RNF14: variants seen among roughly 807,000 people sequenced by gnomAD.
RNF14 encodes the protein ring finger protein 14.
A neutral mutation model predicts 52.6 loss-of-function variants in RNF14; 26 were observed. The observed-to-expected ratio is 0.49, with a 90% confidence interval of 0.36 to 0.69. The LOEUF (loss-of-function observed/expected upper bound fraction) is 0.69. Ranked by LOEUF, RNF14 falls within the 30% of genes least tolerant of loss-of-function variation. RNF14 has a pLI of 0.00. For missense variants in RNF14, 404 were observed against 560.4 expected (o/e 0.72, Z 2.82); for synonymous variants, 194 against 202.0 (o/e 0.96, Z 0.34).
chr5:141,976,731 C>T (rs940870762), intron 4 of RNF14, among the ~76,000 whole-genome samples: 1 of 151,202 alleles, frequency 6.6e-6, no homozygotes, highest in Non-Finnish European at 1.5e-5. Context: ...CAGTCTCTTT[C>T]CCGTCCCCCT....
intron 6 of RNF14, among the ~76,000 whole-genome samples, chr5:141,981,342 G>T (rs569585379): frequency 1.7e-4 from 26 of 152,186 alleles, no homozygotes; most frequent in Admixed American, 1.5e-3. Context: ...GCTGACTGTG[G>T]TGGTGCACAC....
Position 141,980,298 on chromosome 5 carries a change from G to GTA in RNF14, c.1011_1012dup (p.Thr338IlefsTer6). The GTA allele has an allele frequency of 6.2e-7, 1 of 1,614,230 alleles. No homozygotes were observed. The highest frequency in any genetic ancestry group is 8.5e-7 in the Non-Finnish European group (1 of 1,180,050). On this transcript the variant is annotated frameshift_variant, in exon 6 of 9. Coordinates refer to ENST00000394520, the MANE Select transcript of RNF14 (RefSeq NM_004290.5). LOFTEE classifies it high-confidence loss of function. ...TGCTCCAGCTGCAATTTTGCCTTCTGTACTTTGTGCAGGTTGACCTACCAT... is the reference window on the plus strand; with the variant it reads ...TGCTCCAGCTGCAATTTTGCCTTCTGTATACTTTGTGCAGGTTGACCTACCAT...
upstream of RNF14, chr5:141,963,040 C>T (rs565032969): frequency 6.6e-6 from 1 of 152,408 alleles, no homozygotes; most frequent in African/African-American, 2.4e-5. Context: ...TCATGGTCCC[C>T]ACCTCTCCCT....
rs143042506 is a variant in RNF14, at chr5:141,987,779, G to C, written c.1414G>C (p.Val472Leu). 260 of 1,613,490 alleles carry C rather than the reference G, an allele frequency of 1.6e-4. No homozygotes were observed. The African/African-American group carries it at 2.9e-3, about 18-fold the overall frequency. Residue 472 changes from valine (V) to leucine (L), a missense_variant, in exon 9 of 9, where the codon GTA becomes CTA. Transcript: ENST00000394520. ...DVDDDIWEDEVED is the reference protein window; with the variant it reads ...DVDDDIWEDELED ...TGACGACGATATTTGGGAAGATGAG[G>C]TAGAAGACTAGTTAACTACTGCTCA...
chr5:141,949,450 G>A, the RNF14 span: 3 of 1,613,764 alleles, frequency 1.9e-6, no homozygotes, highest in African/African-American at 2.7e-5. Context: ...GGGTCCAGCA[G>A]ACTTGACAGC....
At chr5:141,972,008 C>A (rs549935055) in intron 2 of RNF14, among the ~76,000 whole-genome samples, 1 of 152,184 alleles carries the variant, frequency 6.6e-6, no homozygotes, top group East Asian at 1.9e-4. Flanking sequence ...AAATTATTAT[C>A]TTTTAAATAT....
At chr5:141,971,608 T>C (rs868311424) in intron 2 of RNF14, among the ~76,000 whole-genome samples, 3 of 146,622 alleles carry the variant, frequency 2.0e-5, no homozygotes, top group East Asian at 2.0e-4. Flanking sequence ...TCTTTCTTTC[T>C]TTCCTTTCTT....
Position 141,989,283 on chromosome 5 carries a change from G to A in RNF14, c.*1493G>A, listed in dbSNP as rs949419433. On this transcript the variant is annotated 3_prime_UTR_variant, in exon 9 of 9. Transcript: ENST00000394520. ...ATATTCTTAAAGTAAGAAAAAAAAG[G>A]TCACAGAATAGCATCTCTTTTACCT... The A allele has an allele frequency of 6.6e-6, 1 of 152,186 alleles. No individual in the cohort carries two copies. The highest frequency in any genetic ancestry group is 1.5e-5 in the Non-Finnish European group (1 of 68,000). The allele number at this position is 152,186 out of a possible 1,614,324, so 9.4% of individuals were successfully genotyped here.
chr5:141,976,297 C>CCACGCATGTG (rs202044181), intron 4 of RNF14, among the ~76,000 whole-genome samples: 2,681 of 152,268 alleles, frequency 0.018, 39 homozygotes, highest in Non-Finnish European at 0.027. Flanking sequence ...TACTTTACAT[C>CCACGCATGTG]CACGCATGTG....
upstream of RNF14, among the ~76,000 whole-genome samples, chr5:141,963,991 G>C (rs1158619058): frequency 6.6e-6 from 1 of 152,036 alleles, no homozygotes; most frequent in Admixed American, 6.5e-5. Flanking sequence ...GTTACCTTGG[G>C]GTTACAAAAC....
upstream of RNF14, among the ~76,000 whole-genome samples, chr5:141,967,076 A>G (rs115088670): frequency 6.0e-3 from 920 of 152,334 alleles, 7 homozygotes; most frequent in African/African-American, 0.02. Context: ...TGTGACAATC[A>G]AGATTTATAG....
chr5:141,965,921 C>T (rs1231596977), upstream of RNF14, among the ~76,000 whole-genome samples: 3 of 151,362 alleles, frequency 2.0e-5, no homozygotes, highest in Non-Finnish European at 4.4e-5. Context: ...AACAAACCCC[C>T]GTGACACGAG....
At chr5:141,960,266 G>A (rs1413293252) in intron 1 of RNF14, among the ~76,000 whole-genome samples, 1 of 152,210 alleles carries the variant, frequency 6.6e-6, no homozygotes, top group Admixed American at 6.5e-5. Flanking sequence ...GTCGCAGGTG[G>A]GGGCAGGGAA....
rs1216289915 is a variant in RNF14 at position 141,989,079 on chromosome 5, CTG to C, written c.*1291_*1292del. On this transcript the variant is annotated 3_prime_UTR_variant, in exon 9 of 9. Coordinates refer to ENST00000394520, the MANE Select transcript of RNF14 (RefSeq NM_004290.5). ...TTGCAAATTGAGGAATCACTTTTAACTGTTTTAGGTGTGTGTGTCCAGAGTGA... is the reference window on the plus strand; with the variant it reads ...TTGCAAATTGAGGAATCACTTTTAACTTTTAGGTGTGTGTGTCCAGAGTGA... 1 of 152,220 alleles carries C rather than the reference CTG, an allele frequency of 6.6e-6. No individual in the cohort carries two copies. Among genetic ancestry groups the C allele is most frequent in the Non-Finnish European group, 1.5e-5 (1 of 68,024 alleles). 9.4% of individuals were successfully genotyped at this position (152,220 alleles called of 1,614,324 possible). A position where few individuals can be genotyped will look rare whatever the true frequency, so the allele number is the denominator to read the frequency against.
Position 141,978,310 on chromosome 5 carries a change from C to A in RNF14, c.314C>A (p.Ala105Asp). Reference sequence around the variant, plus strand: ...TCATGTGTTTTCTCCTAGCTATCTGCTCTATGCAAGCACTTAGACAACCTA... The same window carrying A: ...TCATGTGTTTTCTCCTAGCTATCTGATCTATGCAAGCACTTAGACAACCTA... ...GKWLSPTQLS[A>D]LCKHLDNLWE... Residue 105 changes from alanine (A) to aspartate (D), a missense_variant, in exon 5 of 9, where the codon GCT becomes GAT. By Grantham distance (126) the Ala-to-Asp change is moderately radical. Transcript: ENST00000394520. The A allele has an allele frequency of 6.3e-7, 1 of 1,590,776 alleles. No individual in the cohort carries two copies. Among genetic ancestry groups the A allele is most frequent in the Non-Finnish European group, 8.6e-7 (1 of 1,166,364 alleles).
upstream of RNF14, chr5:141,957,409 G>T: frequency 1.2e-6 from 2 of 1,613,380 alleles, no homozygotes; most frequent in Non-Finnish European, 1.7e-6. The surrounding 1 kb of genome is among the most constrained non-coding windows in gnomAD (Gnocchi z 4.3). Flanking sequence ...TCGCAGAGAG[G>T]CGCTCTCAGA....
the RNF14 span, among the ~76,000 whole-genome samples, chr5:141,949,778 A>G: frequency 3.0e-4 from 43 of 145,040 alleles, no homozygotes; most frequent in African/African-American, 9.8e-4. Context: ...AAATGAGAGT[A>G]ATAAATAACA....
At chr5:141,983,340 C>A in intron 6 of RNF14, 40 bp from the exon 7 acceptor site, 1 of 1,539,924 alleles carries the variant, frequency 6.5e-7, no homozygotes. Context: ...GTCAGCATTA[C>A]AAAGTTATAT....
chr5:141,972,151 A>C (rs761965521), intron 2 of RNF14, among the ~76,000 whole-genome samples: 1 of 152,070 alleles, frequency 6.6e-6, no homozygotes, highest in Non-Finnish European at 1.5e-5. Context: ...TATGCCTGTA[A>C]CATTCTCAAG....
Sources: gnomAD v4.1 joint callset for allele counts (sites outside exome capture counted in the v4.1 genomes callset) on GRCh38, gnomAD v4.1.1 for gene constraint, Gnocchi (gnomAD v3.1) non-coding constraint, MANE v1.5 for transcripts, NCBI Gene and HGNC (gene_info 2026-07-23, HGNC 2026-07-21) for gene names.